CDKAL1: variants seen among roughly 807,000 people sequenced by gnomAD.
CDKAL1 encodes the protein CDKAL1 threonylcarbamoyladenosine tRNA methylthiotransferase.
In CDKAL1, 32 loss-of-function variants were observed where a neutral mutation model predicts 68.2. That is an observed-to-expected ratio of 0.47 (90% CI 0.35 to 0.63). The LOEUF is 0.63. Among genes scored for constraint, CDKAL1 ranks in the 30% least tolerant of loss-of-function variants. CDKAL1 has a pLI of 0.00. For missense variants in CDKAL1, 606 were observed against 696.7 expected (o/e 0.87, Z 1.47); for synonymous variants, 234 against 244.3 (o/e 0.96, Z 0.39).
intron 13 of CDKAL1, among the ~76,000 whole-genome samples, chr6:21,138,781 C>T (rs1017357629): frequency 6.6e-6 from 1 of 152,232 alleles, no homozygotes; most frequent in East Asian, 1.9e-4. Flanking sequence ...ACTTAAGCAC[C>T]CGGACATAAG....
At chr6:20,905,108 C>G (rs1762175466) in intron 9 of CDKAL1, among the ~76,000 whole-genome samples, 1 of 152,068 alleles carries the variant, frequency 6.6e-6, no homozygotes, top group Admixed American at 6.5e-5. Context: ...CAGACTGTTC[C>G]TGATAAAAAT....
chr6:20,554,660 C>G (rs1168750773), intron 4 of CDKAL1, among the ~76,000 whole-genome samples: 1 of 152,198 alleles, frequency 6.6e-6, no homozygotes, highest in Non-Finnish European at 1.5e-5. Context: ...CAGAACCTCA[C>G]AATCCTTACA....
chr6:20,904,058 T>G (rs1247202638), intron 9 of CDKAL1, among the ~76,000 whole-genome samples: 1 of 152,190 alleles, frequency 6.6e-6, no homozygotes, highest in Non-Finnish European at 1.5e-5. Context: ...TAAGAGAAGC[T>G]TGCAGGCAGC....
intron 9 of CDKAL1, among the ~76,000 whole-genome samples, chr6:20,921,583 C>T (rs1762959446): frequency 6.6e-6 from 1 of 152,130 alleles, no homozygotes; most frequent in Non-Finnish European, 1.5e-5. Context: ...GTTACCTATT[C>T]CCAACCTCAT....
At chr6:20,603,589 A>G (rs953546591) in intron 4 of CDKAL1, among the ~76,000 whole-genome samples, 3 of 152,022 alleles carry the variant, frequency 2.0e-5, no homozygotes, top group African/African-American at 7.3e-5. Context: ...TGCAAGTGTT[A>G]CTCAGAAGCA....
At chr6:21,024,825 A>G (rs1205034094) in intron 11 of CDKAL1, among the ~76,000 whole-genome samples, 2 of 152,058 alleles carry the variant, frequency 1.3e-5, no homozygotes, top group Non-Finnish European at 2.9e-5. Flanking sequence ...TTTCTTCCTC[A>G]CTGTAAGTGA....
intron 13 of CDKAL1, among the ~76,000 whole-genome samples, chr6:21,143,062 G>T (rs979012599): frequency 7.9e-5 from 12 of 152,216 alleles, no homozygotes; most frequent in Non-Finnish European, 1.3e-4. Context: ...TATGCAGCAT[G>T]TAGCCAAATA....
chr6:21,074,791 C>A (rs1256986226), intron 12 of CDKAL1, among the ~76,000 whole-genome samples: 1 of 151,908 alleles, frequency 6.6e-6, no homozygotes, highest in Non-Finnish European at 1.5e-5. Flanking sequence ...TTGGTTTTTT[C>A]TTTCTTAAAA....
At position 21,183,272 on chromosome 6, in the gene CDKAL1, T is replaced by C. The variant is rs148563249; in HGVS notation, c.1300-14749T>C. 2.0e-5 allele frequency among the ~76,000 whole-genome samples: 3 copies of C among 152,282 alleles called. No homozygotes were observed. The East Asian group carries it at 5.8e-4, about 29-fold the overall frequency. On this transcript the variant is annotated intron_variant, in intron 13 of 15. Transcript: ENST00000274695. ...TTTAGTCTTACATTTCTGCAACCCT[T>C]TTGAGCCATGGCTTCGAAAAGGGAG...
At chr6:20,786,256 T>A (rs2150383273) in intron 8 of CDKAL1, among the ~76,000 whole-genome samples, 1 of 152,086 alleles carries the variant, frequency 6.6e-6, no homozygotes, top group South Asian at 2.1e-4. Flanking sequence ...AACATAAAAG[T>A]ACATCAGTTG....
chr6:21,148,791 A>T (rs1348143784), intron 13 of CDKAL1, among the ~76,000 whole-genome samples: 1 of 152,138 alleles, frequency 6.6e-6, no homozygotes, highest in South Asian at 2.1e-4. Flanking sequence ...TTTCAGGGAG[A>T]GGAATAGGCA....
chr6:20,946,935 A>G (rs1347698047), intron 9 of CDKAL1, among the ~76,000 whole-genome samples: 1 of 152,106 alleles, frequency 6.6e-6, no homozygotes, highest in Non-Finnish European at 1.5e-5. Context: ...TAAAATTTTT[A>G]TTAGCACTTA....
intron 13 of CDKAL1, among the ~76,000 whole-genome samples, chr6:21,127,075 G>A (rs1033430401): frequency 1.3e-5 from 2 of 152,160 alleles, no homozygotes; most frequent in African/African-American, 4.8e-5. Flanking sequence ...AAACCTGGTC[G>A]ATTTGGGTTA....
intron 11 of CDKAL1, among the ~76,000 whole-genome samples, chr6:21,064,248 C>A (rs1325668780): frequency 6.6e-6 from 1 of 152,136 alleles, no homozygotes; most frequent in East Asian, 1.9e-4. Flanking sequence ...AGAAAGCACA[C>A]CCCTACAGAA....
intron 9 of CDKAL1, among the ~76,000 whole-genome samples, chr6:20,950,841 G>A (rs755646687): frequency 6.6e-6 from 1 of 152,010 alleles, no homozygotes; most frequent in Non-Finnish European, 1.5e-5. Flanking sequence ...ATGGTGGTGT[G>A]CGCCTGTAAT....
At chr6:20,675,182 T>C (rs1342496825) in intron 5 of CDKAL1, among the ~76,000 whole-genome samples, 1 of 152,182 alleles carries the variant, frequency 6.6e-6, no homozygotes, top group Admixed American at 6.6e-5. Context: ...TTTTTCTACT[T>C]TGGGCATCAG....
chr6:21,049,708 T>C (rs375261256), intron 11 of CDKAL1, among the ~76,000 whole-genome samples: 23 of 152,310 alleles, frequency 1.5e-4, no homozygotes, highest in African/African-American at 5.5e-4. Context: ...GATGATTCAT[T>C]TGATGTGTGC....
intron 13 of CDKAL1, among the ~76,000 whole-genome samples, chr6:21,120,517 A>T (rs547153723): frequency 1.3e-5 from 2 of 152,342 alleles, no homozygotes; most frequent in South Asian, 2.1e-4. Flanking sequence ...CTATTCAAGG[A>T]AATTCTCCCT....
chr6:20,691,292 A>T (rs1159405391), intron 5 of CDKAL1, among the ~76,000 whole-genome samples: 2 of 145,342 alleles, frequency 1.4e-5, no homozygotes, highest in Non-Finnish European at 1.5e-5. Flanking sequence ...GGGCCGGCAG[A>T]CCCTGAGCAG....
Sources: gnomAD v4.1 joint callset for allele counts (sites outside exome capture counted in the v4.1 genomes callset) on GRCh38, gnomAD v4.1.1 for gene constraint, MANE v1.5 for transcripts, NCBI Gene and HGNC (gene_info 2026-07-23, HGNC 2026-07-21) for gene names.